BHMT2: variants seen among roughly 807,000 people sequenced by gnomAD.
The protein encoded by BHMT2 is betaine--homocysteine S-methyltransferase 2, also known as S-methylmethionine--homocysteine S-methyltransferase BHMT2.
In BHMT2, 28 loss-of-function variants were observed where a neutral mutation model predicts 39.0. That is an observed-to-expected ratio of 0.72 (90% CI 0.53 to 0.98). The LOEUF (loss-of-function observed/expected upper bound fraction) is 0.98, where lower values mean the gene tolerates loss of function less well. Among genes scored for constraint, BHMT2 ranks in the 50% least tolerant of loss-of-function variants. BHMT2 has a pLI of 0.00. For synonymous variants in BHMT2, 145 were observed against 160.6 expected (o/e 0.90, Z 0.74); for missense variants, 410 against 455.6 (o/e 0.90, Z 0.91).
intron 2 of BHMT2, chr5:79,077,980 C>G (rs510172): frequency 2.5e-5 from 4 of 161,634 alleles, no homozygotes; most frequent in African/African-American, 9.6e-5. Flanking sequence ...CACACACACT[C>G]TCATACACAC....
intron 1 of BHMT2, among the ~76,000 whole-genome samples, chr5:79,074,214 C>T (rs1346274497): frequency 6.6e-6 from 1 of 152,188 alleles, no homozygotes; most frequent in Non-Finnish European, 1.5e-5. Flanking sequence ...TATTAAACTC[C>T]TTTCTGCTTA....
chr5:79,088,362 G>GTGTGTA, intron 7 of BHMT2, 131 bp from the exon 8 acceptor site: 1 of 390,892 alleles, frequency 2.6e-6, no homozygotes, highest in Non-Finnish European at 4.5e-6. Context: ...TTTTGACTGT[G>GTGTGTA]TGTGTGTGTG....
intron 7 of BHMT2, 87 bp from the exon 8 acceptor site, chr5:79,088,405 TA>T: frequency 1.3e-6 from 1 of 787,194 alleles, no homozygotes; most frequent in Non-Finnish European, 2.1e-6. Flanking sequence ...TGTGGTTATA[TA>T]CATATACATA....
intron 3 of BHMT2, among the ~76,000 whole-genome samples, chr5:79,080,023 G>C (rs1193456601): frequency 6.6e-6 from 1 of 152,232 alleles, no homozygotes; most frequent in Non-Finnish European, 1.5e-5. Context: ...ATTTTTTAGA[G>C]AGAAAGCACT....
In BHMT2 at chr5:79,083,695, G is replaced by T; in HGVS notation, c.849G>T (p.Gly283=). Residue 283 remains glycine (G), a synonymous_variant, in exon 7 of 8, where the codon GGG becomes GGT. Coordinates refer to ENST00000255192, the MANE Select transcript of BHMT2 (RefSeq NM_017614.5). Reference sequence around the variant, plus strand: ...ACGCCAGAGAGGCCTACAACCTGGGGGTCAGGTACATTGGCGGGTGCTGTG... The same window carrying T: ...ACGCCAGAGAGGCCTACAACCTGGGTGTCAGGTACATTGGCGGGTGCTGTG... ...QKYAREAYNL[G]VRYIGGCCGF... is the part of the protein sequence containing the mutation. 3 of 1,614,082 alleles carry T rather than the reference G, an allele frequency of 1.9e-6. No individual in the cohort carries two copies. The highest frequency in any genetic ancestry group is 2.5e-6 in the Non-Finnish European group (3 of 1,180,010).
intron 3 of BHMT2, among the ~76,000 whole-genome samples, chr5:79,079,906 T>A (rs558303760): frequency 6.6e-6 from 1 of 152,156 alleles, no homozygotes; most frequent in African/African-American, 2.4e-5. Context: ...AAAAAAGAAG[T>A]TAATATATAC....
chr5:79,084,514 C>T (rs907333897), intron 7 of BHMT2, among the ~76,000 whole-genome samples: 5 of 152,044 alleles, frequency 3.3e-5, no homozygotes, highest in Non-Finnish European at 7.4e-5. Flanking sequence ...CCTCGTAATC[C>T]GCCTGCCTTG....
At chr5:79,085,275 C>T (rs1210392805) in intron 7 of BHMT2, among the ~76,000 whole-genome samples, 2 of 152,344 alleles carry the variant, frequency 1.3e-5, no homozygotes, top group East Asian at 1.9e-4. Flanking sequence ...TGAATTCCTT[C>T]GTTTGTTCCT....
chr5:79,088,087 G>T (rs574091532), intron 7 of BHMT2, among the ~76,000 whole-genome samples: 2 of 152,176 alleles, frequency 1.3e-5, no homozygotes. Flanking sequence ...GGCTGAGGCA[G>T]GAGGATTGCT....
intron 3 of BHMT2, 86 bp from the exon 4 acceptor site, chr5:79,080,601 C>T (rs1052138406): frequency 1.6e-6 from 2 of 1,269,356 alleles, no homozygotes. Flanking sequence ...ACTCATCTTA[C>T]TTGTTTATTG....
intron 7 of BHMT2, among the ~76,000 whole-genome samples, chr5:79,085,301 C>T (rs1755871493): frequency 6.6e-6 from 1 of 152,192 alleles, no homozygotes; most frequent in South Asian, 2.1e-4. Context: ...AAAATACTGA[C>T]CAGCTCTAGA....
intron 2 of BHMT2, among the ~76,000 whole-genome samples, chr5:79,078,915 C>A (rs928546800): frequency 5.3e-5 from 8 of 152,342 alleles, no homozygotes; most frequent in African/African-American, 1.9e-4. Context: ...TTCCAGACTG[C>A]TTTCTGATGT....
chr5:79,072,936 C>G (rs981600539), intron 1 of BHMT2, among the ~76,000 whole-genome samples: 2 of 151,412 alleles, frequency 1.3e-5, no homozygotes, highest in African/African-American at 4.9e-5. Context: ...CAATGTTTTC[C>G]CTCGACAATT....
At chr5:79,083,144 A>G in intron 5 of BHMT2, 48 bp from the exon 6 acceptor site, 1 of 1,587,142 alleles carries the variant, frequency 6.3e-7, no homozygotes, top group Non-Finnish European at 8.6e-7. Context: ...TTAAAAAAAA[A>G]GAATAAACAA....
Position 79,088,627 on chromosome 5 carries a change from A to AACT in BHMT2, c.*53_*54insACT. On this transcript the variant is annotated 3_prime_UTR_variant, in exon 8 of 8. Transcript: ENST00000255192. ...ATCGAACAGGAAAAAGTTGCCCTCA[A>AACT]GCCTGACCTGGAACCGTTCCTCACC... 6.7e-7 allele frequency: 1 copy of AACT among 1,493,712 alleles called. No homozygotes were observed. The highest frequency in any genetic ancestry group is 9.3e-7 in the Non-Finnish European group (1 of 1,075,172). The allele number at this position is 1,493,712 out of a possible 1,614,324, so 92.5% of individuals were successfully genotyped here.
chr5:79,084,498 T>A (rs1755857590), intron 7 of BHMT2, among the ~76,000 whole-genome samples: 1 of 152,154 alleles, frequency 6.6e-6, no homozygotes. Context: ...GGTCTCGAAC[T>A]CCTGACCTCG....
intron 3 of BHMT2, among the ~76,000 whole-genome samples, 163 bp from the exon 4 acceptor site, chr5:79,080,524 T>C (rs1304355957): frequency 6.6e-6 from 1 of 152,134 alleles, no homozygotes; most frequent in Non-Finnish European, 1.5e-5. Context: ...TATAAGGTCA[T>C]GGTAACAGAG....
At position 79,083,194 on chromosome 5, in the gene BHMT2, G is replaced by A. The variant is rs777227456; in HGVS notation, c.601G>A (p.Ala201Thr). The change falls in exon 6 of 8, where the codon GCT (alanine) becomes ACT (threonine). Residue 201 changes from alanine (A) to threonine (T), a missense_variant and splice_region_variant. Physicochemically the swap from Ala to Thr is moderately conservative, Grantham distance 58 (BLOSUM62 0). Transcript: ENST00000255192. Reference sequence around the variant, plus strand: ...GTAAGTGTTATTTCTTTGCACAGGGGCTTCCATCGTTGGCGTGAACTGCCG... The same window carrying A: ...GTAAGTGTTATTTCTTTGCACAGGGACTTCCATCGTTGGCGTGAACTGCCG... ...ECAVRLVKAG[A>T]SIVGVNCRFG... 7 of 1,613,868 alleles carry A rather than the reference G, an allele frequency of 4.3e-6. No individual in the cohort carries two copies. The highest frequency in any genetic ancestry group is 1.3e-5 in the African/African-American group (1 of 74,912).
In BHMT2 at chr5:79,088,810, C is replaced by A; in HGVS notation, c.*236C>A. On this transcript the variant is annotated 3_prime_UTR_variant, in exon 8 of 8. Coordinates refer to ENST00000255192, the MANE Select transcript of BHMT2 (RefSeq NM_017614.5). Reference sequence around the variant, plus strand: ...GATGCAAAGAGAAGCGAGAGAGGCACCTTGTTCTCCAAGAACTTACTGTCC... The same window carrying A: ...GATGCAAAGAGAAGCGAGAGAGGCAACTTGTTCTCCAAGAACTTACTGTCC... The A allele has an allele frequency of 5.3e-6, 2 of 378,262 alleles. No individual in the cohort carries two copies. The highest frequency in any genetic ancestry group is 4.6e-5 in the Admixed American group (1 of 21,916). The allele number at this position is 378,262 out of a possible 1,614,324, so 23.4% of individuals were successfully genotyped here. A position where few individuals can be genotyped will look rare whatever the true frequency, so the allele number is the denominator to read the frequency against.
Sources: allele counts gnomAD v4.1 joint callset (sites outside exome capture counted in the v4.1 genomes callset), GRCh38; gene constraint gnomAD v4.1.1; transcripts MANE v1.5; gene names NCBI Gene and HGNC (gene_info 2026-07-23, HGNC 2026-07-21).